Variants in ALK observed in about 807,000 individuals in gnomAD.
The protein encoded by ALK is ALK tyrosine kinase receptor.
ALK carries 74 observed loss-of-function variants against 163.1 expected under a neutral mutation model. The observed-to-expected ratio is 0.45, with a 90% CI of 0.38 to 0.55. The LOEUF (loss-of-function observed/expected upper bound fraction) is 0.55. Ranked by LOEUF, ALK falls within the 20% of genes least tolerant of loss-of-function variation. The pLI is 0.00. For synonymous variants in ALK, 960 were observed against 843.2 expected (o/e 1.14, Z -2.40); for missense variants, 2,063 against 2,105.3 (o/e 0.98, Z 0.39).
chr2:29,879,518 T>C (rs148351645), intron 1 of ALK, among the ~76,000 whole-genome samples: 51 of 152,338 alleles, frequency 3.3e-4, no homozygotes, highest in African/African-American at 1.2e-3. Context: ...CTGCTCCAGC[T>C]CTTTAGGCAT....
chr2:29,345,165 A>T (rs1341183636), intron 5 of ALK, among the ~76,000 whole-genome samples: 2 of 152,130 alleles, frequency 1.3e-5, no homozygotes, highest in African/African-American at 4.8e-5. Context: ...AGTCCTAGGC[A>T]GGCAGATGTC....
intron 4 of ALK, among the ~76,000 whole-genome samples, chr2:29,408,648 T>G (rs1669653398): frequency 6.6e-6 from 1 of 152,268 alleles, no homozygotes; most frequent in Non-Finnish European, 1.5e-5. Context: ...TGAGAAATAC[T>G]ATCTAATCCA....
Position 29,821,820 on chromosome 2 carries a change from T to C in ALK, c.667+98173A>G, listed in dbSNP as rs528121644. ...CTCCTGCCTGCCAGCCAGGATTAAG[T>C]GGAAAATCAATCTTGTCTGAACTGC... On this transcript the variant is annotated intron_variant, in intron 1 of 28. Transcript: ENST00000389048. 6.4e-4 allele frequency among the ~76,000 whole-genome samples: 98 copies of C among 152,190 alleles called. 1 individual carries two copies. The highest frequency in any genetic ancestry group is 2.2e-3 in the African/African-American group (91 of 41,528).
intron 1 of ALK, among the ~76,000 whole-genome samples, chr2:29,794,675 G>C (rs1272764578): frequency 6.6e-6 from 1 of 152,130 alleles, no homozygotes; most frequent in Non-Finnish European, 1.5e-5. Flanking sequence ...CAAGGAGATG[G>C]AGAGAGTTAG....
At chr2:29,385,132 T>G (rs1018467735) in intron 4 of ALK, among the ~76,000 whole-genome samples, 2 of 152,088 alleles carry the variant, frequency 1.3e-5, no homozygotes, top group South Asian at 4.2e-4. Flanking sequence ...TTTTTTTTTT[T>G]TACCAGTAGG....
intron 1 of ALK, among the ~76,000 whole-genome samples, chr2:29,718,241 A>AAAGCCAAAAG (rs1679320077): frequency 1.3e-5 from 2 of 152,234 alleles, no homozygotes; most frequent in Non-Finnish European, 2.9e-5. Flanking sequence ...CCCAAAGCCA[A>AAAGCCAAAAG]GAGGCCAGAA....
chr2:29,683,189 C>T (rs1342926958), intron 3 of ALK, among the ~76,000 whole-genome samples: 1 of 151,984 alleles, frequency 6.6e-6, no homozygotes, highest in Non-Finnish European at 1.5e-5. Context: ...CCAACCTGGT[C>T]AACATCATGA....
Position 29,921,494 on chromosome 2 carries a change from G to GCACCT in ALK, c.-840_-836dup. 4.3e-6 allele frequency: 1 copy of GCACCT among 232,090 alleles called. No homozygotes were observed. The highest frequency in any genetic ancestry group is 8.5e-6 in the Non-Finnish European group (1 of 117,186). 14.4% of individuals were successfully genotyped at this position (232,090 alleles called of 1,614,324 possible). A position where few individuals can be genotyped will look rare whatever the true frequency, so the allele number is the denominator to read the frequency against. ...TGGCCGACCAGAGGGCGGCCGGAAA[G>GCACCT]CACCTCGGTGCCCCGCGACCCTCCG... On this transcript the variant is annotated 5_prime_UTR_variant, in exon 1 of 29. It introduces an in-frame stop codon into an upstream open reading frame of the 5' UTR. Transcript: ENST00000389048.
intron 4 of ALK, among the ~76,000 whole-genome samples, chr2:29,390,327 C>T (rs1002268852): frequency 2.6e-5 from 4 of 152,212 alleles, no homozygotes; most frequent in Admixed American, 2.6e-4. Context: ...GTGAGATCGA[C>T]AATGACAAAA....
At chr2:29,392,706 A>G (rs1313324066) in intron 4 of ALK, among the ~76,000 whole-genome samples, 1 of 152,170 alleles carries the variant, frequency 6.6e-6, no homozygotes, top group African/African-American at 2.4e-5. Context: ...CGGGATGGGG[A>G]GGAGTAGGAG....
chr2:29,201,584 C>T (rs752404328), intron 26 of ALK, among the ~76,000 whole-genome samples: 4 of 152,076 alleles, frequency 2.6e-5, no homozygotes, highest in South Asian at 2.1e-4. Context: ...GTCAGGAGTT[C>T]GAGACCAGCC....
At chr2:29,578,238 G>A (rs1285321891) in intron 3 of ALK, among the ~76,000 whole-genome samples, 1 of 152,096 alleles carries the variant, frequency 6.6e-6, no homozygotes, top group Non-Finnish European at 1.5e-5. Context: ...TGTAAGACAT[G>A]ACTTGCCCCT....
chr2:29,864,868 A>G (rs1034573533), intron 1 of ALK, among the ~76,000 whole-genome samples: 8 of 152,232 alleles, frequency 5.3e-5, no homozygotes, highest in South Asian at 2.1e-4. Flanking sequence ...CCAGACATGT[A>G]TAGAACTAGC....
At chr2:29,678,342 C>A (rs538991811) in intron 3 of ALK, among the ~76,000 whole-genome samples, 1 of 151,622 alleles carries the variant, frequency 6.6e-6, no homozygotes, top group Non-Finnish European at 1.5e-5. Flanking sequence ...GCTTTTACAT[C>A]GCATGTTTTC....
intron 5 of ALK, among the ~76,000 whole-genome samples, chr2:29,361,345 T>C (rs1330418299): frequency 6.6e-6 from 1 of 152,188 alleles, no homozygotes; most frequent in African/African-American, 2.4e-5. Flanking sequence ...GGAGATAATA[T>C]TCCACATTCC....
At chr2:29,277,135 G>A (rs1393310683) in intron 9 of ALK, among the ~76,000 whole-genome samples, 1 of 152,162 alleles carries the variant, frequency 6.6e-6, no homozygotes, top group Non-Finnish European at 1.5e-5. Flanking sequence ...GGCCTGCAGG[G>A]TACAACAAGG....
Position 29,451,276 on chromosome 2 carries a change from T to C in ALK, c.1155-67417A>G, listed in dbSNP as rs190010557. ...TCTCTGCAGTCCATCTCCCCAGCCA[T>C]CATCCACTTCATATGCTGCACACTG... On this transcript the variant is annotated intron_variant, in intron 4 of 28. Coordinates refer to ENST00000389048, the MANE Select transcript of ALK (RefSeq NM_004304.5). Among the ~76,000 whole-genome samples the C allele has an allele frequency of 4.1e-4, 63 of 152,260 alleles. No individual in the cohort carries two copies. In the East Asian group the frequency reaches 0.011, roughly 27 times the overall value.
At chr2:29,795,556 A>G (rs1664287820) in intron 1 of ALK, among the ~76,000 whole-genome samples, 1 of 152,210 alleles carries the variant, frequency 6.6e-6, no homozygotes, top group Non-Finnish European at 1.5e-5. Context: ...TATAGGATAA[A>G]CAAAACAGAA....
intron 2 of ALK, among the ~76,000 whole-genome samples, chr2:29,696,874 T>C (rs1307368085): frequency 2.7e-5 from 4 of 149,678 alleles, no homozygotes; most frequent in Non-Finnish European, 5.9e-5. Context: ...GAGCAAGTGC[T>C]CTCTCCTTCT....
Sources: allele counts gnomAD v4.1 joint callset (sites outside exome capture counted in the v4.1 genomes callset), GRCh38; gene constraint gnomAD v4.1.1; transcripts MANE v1.5; gene names NCBI Gene and HGNC (gene_info 2026-07-23, HGNC 2026-07-21).